The following DMXL2 variants were observed in gnomAD, a reference collection of about 807,000 sequenced individuals.
The protein encoded by DMXL2 is Dmx like 2.
Under a neutral mutation model 331.1 loss-of-function variants are expected in DMXL2, and 103 were observed. The observed-to-expected ratio is 0.31, with a 90% CI of 0.27 to 0.37. DMXL2 has a LOEUF of 0.37. Ranked by LOEUF, DMXL2 falls within the 10% of genes least tolerant of loss-of-function variation. The pLI is 1.00. For missense variants in DMXL2, 3,171 were observed against 3,642.9 expected (o/e 0.87, Z 3.33); for synonymous variants, 1,281 against 1,252.1 (o/e 1.02, Z -0.49).
intron 17 of DMXL2, among the ~76,000 whole-genome samples, chr15:51,502,058 G>A (rs1157871903): frequency 2.0e-5 from 3 of 150,734 alleles, no homozygotes; most frequent in Non-Finnish European, 3.0e-5. Context: ...GTGAAACCCC[G>A]TCTCTACTAA....
At chr15:51,505,901 C>T (rs1015718159) in intron 16 of DMXL2, among the ~76,000 whole-genome samples, 1 of 152,016 alleles carries the variant, frequency 6.6e-6, no homozygotes, top group East Asian at 1.9e-4. Context: ...GCTATCCATG[C>T]AGTTCTTCAT....
At chr15:51,606,667 C>T (rs1595730969) in intron 1 of DMXL2, among the ~76,000 whole-genome samples, 2 of 152,114 alleles carry the variant, frequency 1.3e-5, no homozygotes, top group East Asian at 3.9e-4. Context: ...TAGGTTATTC[C>T]TAAAAGTCTT....
chr15:51,499,701 A>G lies in DMXL2; in HGVS notation c.3523T>C (p.Ser1175Pro). 6.2e-7 allele frequency: 1 copy of G among 1,614,064 alleles called. No individual in the cohort carries two copies. The highest frequency in any genetic ancestry group is 8.5e-7 in the Non-Finnish European group (1 of 1,180,004). Residue 1175 changes from serine to proline, a missense_variant, in exon 18 of 44, where the codon TCA becomes CCA. Transcript: ENST00000560891. ...AGAATGTGGGAGCCATCTTCTTTTG[A>G]TACCCAGTCCAAATGTACTAAATGT... ...IKHLVHLDWV[S>P]KEDGSHILTV...
chr15:51,576,182 C>CAAAAAAAAAAAA lies in DMXL2; in HGVS notation c.88-2_88-1insTTTTTTTTTTTT. ...CAATATCACAGCCTGATCCATATGC[C>CAAAAAAAAAAAA]TAAAAAAAAAAAAAAAAAAAAGTTT... is the stretch of plus-strand genomic sequence containing the variant. On this transcript the variant is annotated splice_acceptor_variant, in intron 1 of 43. Coordinates refer to ENST00000560891, the MANE Select transcript of DMXL2 (RefSeq NM_001378457.1). LOFTEE classifies it high-confidence loss of function. 17 of 734,458 alleles carry CAAAAAAAAAAAA rather than the reference C, an allele frequency of 2.3e-5. No homozygotes were observed. Among genetic ancestry groups the CAAAAAAAAAAAA allele is most frequent in the East Asian group, 4.3e-5 (1 of 23,190 alleles). 45.5% of individuals were successfully genotyped at this position (734,458 alleles called of 1,614,324 possible).
intron 9 of DMXL2, among the ~76,000 whole-genome samples, chr15:51,539,918 G>T (rs1408256838): frequency 6.6e-6 from 1 of 152,148 alleles, no homozygotes; most frequent in Non-Finnish European, 1.5e-5. Flanking sequence ...AAAATGCATG[G>T]ACATTCTGGT....
chr15:51,562,574 T>C (rs1596268817), intron 6 of DMXL2, among the ~76,000 whole-genome samples: 1 of 152,164 alleles, frequency 6.6e-6, no homozygotes, highest in Non-Finnish European at 1.5e-5. Flanking sequence ...AGAGAACTCA[T>C]GTTCCCAGAA....
chr15:51,506,906 CT>C (rs1244887659), intron 16 of DMXL2, among the ~76,000 whole-genome samples: 2 of 151,906 alleles, frequency 1.3e-5, no homozygotes, highest in Non-Finnish European at 2.9e-5. Context: ...ATAAACAAAG[CT>C]TTTATTTTTT....
chr15:51,461,262 A>AATGGAAGGGAG (rs1444609408), intron 33 of DMXL2, among the ~76,000 whole-genome samples: 2 of 152,104 alleles, frequency 1.3e-5, no homozygotes, highest in Non-Finnish European at 1.5e-5. Context: ...TGAGGGGCAT[A>AATGGAAGGGAG]ATGGAAGGGA....
At chr15:51,599,652 C>T (rs960464899) in intron 1 of DMXL2, among the ~76,000 whole-genome samples, 1 of 152,114 alleles carries the variant, frequency 6.6e-6, no homozygotes, top group African/African-American at 2.4e-5. Context: ...TATGAGGTCA[C>T]ACTAATGCCT....
chr15:51,524,326 A>G (rs1596117684), intron 13 of DMXL2, among the ~76,000 whole-genome samples: 1 of 152,260 alleles, frequency 6.6e-6, no homozygotes, highest in African/African-American at 2.4e-5. Flanking sequence ...AAATAACCCA[A>G]CAGCTGGAGG....
chr15:51,557,954 T>C (rs896846246), intron 6 of DMXL2, among the ~76,000 whole-genome samples: 1 of 152,248 alleles, frequency 6.6e-6, no homozygotes, highest in Non-Finnish European at 1.5e-5. Flanking sequence ...TGAGGTCCTC[T>C]GACCCAAAGG....
In DMXL2 at chr15:51,537,614, C is replaced by G. The variant is rs114265876; in HGVS notation, c.1491G>C (p.Thr497=). 2,765 of 1,613,836 alleles carry G rather than the reference C, an allele frequency of 1.7e-3. 30 individuals are homozygous for G. In the African/African-American group the frequency reaches 0.033, roughly 19 times the overall value. ...GATTCTTATTCCATTCAGTTAGCAG[C>G]GTTTCAATCTTCCGATCAAGCAGAA... ...PTVLLDRKIE[T]LLTEWNKNPD... Residue 497 remains threonine, a synonymous_variant, in exon 11 of 44, where the codon ACG becomes ACC. Coordinates refer to ENST00000560891, the MANE Select transcript of DMXL2 (RefSeq NM_001378457.1).
chr15:51,588,851 A>G (rs1444507242), intron 1 of DMXL2, among the ~76,000 whole-genome samples: 2 of 152,230 alleles, frequency 1.3e-5, no homozygotes. Context: ...TTCCTTCAGC[A>G]GCCAAATGAA....
chr15:51,480,064 A>T lies in DMXL2; in HGVS notation c.6640T>A (p.Ser2214Thr). ...TLPLLSASIA[S>T]TKTVIANPVL... ...GGATTAGCTATGACTGTTTTTGTTG[A>T]CGCAATACTTGCTGAAAGCAGAGGT... The change falls in exon 25 of 44, where the codon TCA becomes ACA. Residue 2214 changes from serine (S) to threonine (T), a missense_variant. Transcript: ENST00000560891. 1.9e-6 allele frequency: 3 copies of T among 1,602,184 alleles called. No homozygotes were observed. Among genetic ancestry groups the T allele is most frequent in the Non-Finnish European group, 2.6e-6 (3 of 1,170,874 alleles).
rs2047376880 is a variant in DMXL2, at chr15:51,521,470, G to GGTGGTA, written c.2437-4304_2437-4303insTACCAC. ...TAGTAGTAGTAGTAGTAGTGGTAGT[G>GGTGGTA]GTAGTAGTAGTAGTAGTAGCAGCAT... On this transcript the variant is annotated intron_variant, in intron 13 of 43. Coordinates refer to ENST00000560891, the MANE Select transcript of DMXL2 (RefSeq NM_001378457.1). 7.4e-5 allele frequency among the ~76,000 whole-genome samples: 11 copies of GGTGGTA among 148,986 alleles called. No homozygotes were observed. The South Asian group carries it at 2.3e-3, about 31-fold the overall frequency.
At chr15:51,520,838 C>T (rs1318892791) in intron 13 of DMXL2, among the ~76,000 whole-genome samples, 1 of 152,092 alleles carries the variant, frequency 6.6e-6, no homozygotes, top group African/African-American at 2.4e-5. Context: ...GCCTGGATGA[C>T]AGAGCAAGAT....
At chr15:51,542,606 C>A (rs1260549592) in intron 8 of DMXL2, 99 bp from the exon 9 acceptor site, 2 of 863,466 alleles carry the variant, frequency 2.3e-6, no homozygotes, top group Non-Finnish European at 3.4e-6. Flanking sequence ...TTTTTTTCTC[C>A]ATAAAAACCT....
In DMXL2 at chr15:51,499,308, G is replaced by A. The variant is rs1242122559; in HGVS notation, c.3916C>T (p.Leu1306=). ...QDHSTFKSNM[L]ARKSVVEGTA... ...CCTTCAACAACACTTTTTCTTGCCA[G>A]CATATTAGATTTAAAGGTCGAATGA... The change falls in exon 18 of 44, where the codon CTG becomes TTG. Residue 1306 remains leucine, a synonymous_variant. Transcript: ENST00000560891. 8 of 1,613,868 alleles carry A rather than the reference G, an allele frequency of 5.0e-6. No individual in the cohort carries two copies. Among genetic ancestry groups the A allele is most frequent in the African/African-American group, 1.3e-5 (1 of 75,014 alleles).
rs1051136467 is a variant in DMXL2, at chr15:51,622,605, T to G, written c.-60A>C. ...GTGCGACAAGCTCCGCGCCTGACCCTCCTCGGGCTGCGAGAGCCGTTTCCC... is the reference window on the plus strand; with the variant it reads ...GTGCGACAAGCTCCGCGCCTGACCCGCCTCGGGCTGCGAGAGCCGTTTCCC... On this transcript the variant is annotated 5_prime_UTR_variant, in exon 1 of 44. Transcript: ENST00000560891. 6 of 1,506,556 alleles carry G rather than the reference T, an allele frequency of 4.0e-6. No individual in the cohort carries two copies. Among genetic ancestry groups the G allele is most frequent in the Admixed American group, 4.3e-5 (2 of 46,502 alleles). The allele number at this position is 1,506,556 out of a possible 1,614,324, so 93.3% of individuals were successfully genotyped here. A position where few individuals can be genotyped will look rare whatever the true frequency, so the allele number is the denominator to read the frequency against.
Sources: allele counts gnomAD v4.1 joint callset (sites outside exome capture counted in the v4.1 genomes callset), GRCh38; gene constraint gnomAD v4.1.1; transcripts MANE v1.5; gene names NCBI Gene and HGNC (gene_info 2026-07-23, HGNC 2026-07-21).